The following SNED1 variants were observed in gnomAD, a reference collection of about 807,000 sequenced individuals.
SNED1 encodes the protein sushi, nidogen and EGF-like domain-containing protein 1.
Under a neutral mutation model 166.7 loss-of-function variants are expected in SNED1, and 81 were observed. The ratio of observed to expected loss-of-function variants is 0.49; its 90% CI spans 0.41 to 0.58. The LOEUF (loss-of-function observed/expected upper bound fraction) is 0.58, where lower values mean the gene tolerates loss of function less well. Ranked by LOEUF, SNED1 falls within the 20% of genes least tolerant of loss-of-function variation. The probability of loss-of-function intolerance (pLI) is 0.00; values close to 1 mark genes in which losing one functional copy is unlikely to be tolerated. For synonymous variants in SNED1, 762 were observed against 822.0 expected (o/e 0.93, Z 1.25); for missense variants, 1,604 against 2,000.2 (o/e 0.80, Z 3.78).
chr2:241,017,738 C>T (rs1026992670), intron 1 of SNED1, among the ~76,000 whole-genome samples: 4 of 152,226 alleles, frequency 2.6e-5, no homozygotes, highest in African/African-American at 7.2e-5. Context: ...ACAGGAATCC[C>T]ACAGCGGGAC....
At position 241,094,443 on chromosome 2, in the gene SNED1, CA is replaced by C; in HGVS notation, c.*2811del. The C allele has an allele frequency of 2.1e-6, 1 of 470,474 alleles. No homozygotes were observed. Among genetic ancestry groups the C allele is most frequent in the Non-Finnish European group, 4.4e-6 (1 of 226,716 alleles). The allele number at this position is 470,474 out of a possible 1,614,324, so 29.1% of individuals were successfully genotyped here. A position where few individuals can be genotyped will look rare whatever the true frequency, so the allele number is the denominator to read the frequency against. ...TGTAAGACGAGGCTGCTGGAGAAAACAAAAGCACCTAGATTTCAGTGCTGAA... is the reference window on the plus strand; with the variant it reads ...TGTAAGACGAGGCTGCTGGAGAAAACAAAGCACCTAGATTTCAGTGCTGAA... On this transcript the variant is annotated 3_prime_UTR_variant, in exon 32 of 32. Coordinates refer to ENST00000310397, the MANE Select transcript of SNED1 (RefSeq NM_001080437.3). This position sits in a 1 kb window ranked among gnomAD's most constrained non-coding sequence, Gnocchi z 4.3.
At chr2:241,026,619 C>G (rs1454468023) in intron 1 of SNED1, among the ~76,000 whole-genome samples, 3 of 152,118 alleles carry the variant, frequency 2.0e-5, no homozygotes, top group Non-Finnish European at 4.4e-5. Flanking sequence ...TTCTTAATTT[C>G]TGTTATTTAG....
At chr2:241,039,782 G>A (rs1255361053) in intron 6 of SNED1, among the ~76,000 whole-genome samples, 10 of 152,180 alleles carry the variant, frequency 6.6e-5, no homozygotes, top group Non-Finnish European at 1.5e-4. Flanking sequence ...CATCCCCCAA[G>A]AGTGGGAGTG....
At chr2:241,065,205 A>G (rs1303386494) in intron 20 of SNED1, 94 bp from the exon 21 acceptor site, 24 of 1,330,348 alleles carry the variant, frequency 1.8e-5, no homozygotes, top group Non-Finnish European at 2.2e-5. Context: ...GTCAGGCCCA[A>G]GAGCCAGACC....
At chr2:241,038,615 C>T (rs2061439436) in intron 6 of SNED1, among the ~76,000 whole-genome samples, 1 of 152,274 alleles carries the variant, frequency 6.6e-6, no homozygotes, top group Non-Finnish European at 1.5e-5. Flanking sequence ...GAGCAAGCTC[C>T]ATTCATAGGA....
chr2:241,009,199 A>G (rs1393852578), intron 1 of SNED1, among the ~76,000 whole-genome samples: 1 of 152,134 alleles, frequency 6.6e-6, no homozygotes, highest in Non-Finnish European at 1.5e-5. Flanking sequence ...CACTGCAGAG[A>G]TGCAGGGTGA....
chr2:241,034,095 C>T (rs1406401617), intron 3 of SNED1, among the ~76,000 whole-genome samples: 2 of 152,234 alleles, frequency 1.3e-5, no homozygotes, highest in Admixed American at 6.5e-5. Context: ...TGACCTGCCC[C>T]GCCCTGCCCC....
At chr2:241,002,647 C>T (rs1189200111) in intron 1 of SNED1, among the ~76,000 whole-genome samples, 2 of 152,142 alleles carry the variant, frequency 1.3e-5, no homozygotes, top group African/African-American at 4.8e-5. Flanking sequence ...TGTGATCTGC[C>T]TGGACCTCAC....
intron 27 of SNED1, among the ~76,000 whole-genome samples, chr2:241,079,763 A>G (rs1283341609): frequency 6.6e-6 from 1 of 152,190 alleles, no homozygotes; most frequent in East Asian, 1.9e-4. Context: ...ATTGCAAGCG[A>G]TTTTAATAAG....
At chr2:241,050,027 C>G (rs1449350701) in intron 12 of SNED1, 94 bp downstream of exon 12, 1 of 934,234 alleles carries the variant, frequency 1.1e-6, no homozygotes. Context: ...CTCCTTGTTT[C>G]GCGAATTGCT....
chr2:241,071,712 GCCCCCCAGGTACATGCCCCACCCA>G lies in SNED1; in HGVS notation c.3727_3734+16del. 1.1e-6 allele frequency: 1 copy of G among 903,634 alleles called. No individual in the cohort carries two copies. The highest frequency in any genetic ancestry group is 1.6e-6 in the Non-Finnish European group (1 of 637,062). 56.0% of individuals were successfully genotyped at this position (903,634 alleles called of 1,614,324 possible). On this transcript the variant is annotated splice_donor_variant and splice_donor_5th_base_variant and coding_sequence_variant and intron_variant, in exon 25 of 32. Transcript: ENST00000310397. LOFTEE classifies it high-confidence loss of function. ...ACAGCGCCCCCGAGACCCCCACCCA[GCCCCCCAGGTACATGCCCCACCCA>G]TCGGCCCCATCGCCCGAGGCGGCGC...
intron 2 of SNED1, 138 bp from the exon 3 acceptor site, chr2:241,033,597 C>T (rs933950828): frequency 2.7e-5 from 27 of 1,003,240 alleles, no homozygotes; most frequent in African/African-American, 2.2e-4. Context: ...CTCGGCTGCC[C>T]GTCCAGCTGG....
At chr2:241,036,965 G>A (rs2061391561) in intron 5 of SNED1, 50 bp downstream of exon 5, 1 of 1,568,048 alleles carries the variant, frequency 6.4e-7, no homozygotes, top group African/African-American at 1.4e-5. Flanking sequence ...GCTGGGCTCA[G>A]GAGGAGCACT....
chr2:240,998,779 A>G lies in SNED1; in HGVS notation c.-59A>G. The G allele has an allele frequency of 1.1e-6, 1 of 874,386 alleles. No individual in the cohort carries two copies. The highest frequency in any genetic ancestry group is 1.4e-6 in the Non-Finnish European group (1 of 710,810). The allele number at this position is 874,386 out of a possible 1,614,324, so 54.2% of individuals were successfully genotyped here. ...GGCCCTGCCGGCCACCCCCGCGCGC[A>G]GCCTAGTCCCCCAGCGCCCTGCTCC... is the stretch of plus-strand genomic sequence containing the variant. On this transcript the variant is annotated 5_prime_UTR_variant, in exon 1 of 32. Transcript: ENST00000310397.
chr2:241,054,683 T>C (rs1035523156), intron 16 of SNED1, among the ~76,000 whole-genome samples: 2 of 152,254 alleles, frequency 1.3e-5, no homozygotes, highest in Non-Finnish European at 1.5e-5. Flanking sequence ...ACAGTGGGAA[T>C]AAGCAGATTA....
At chr2:241,001,839 C>T (rs192860774) in intron 1 of SNED1, among the ~76,000 whole-genome samples, 192 of 152,220 alleles carry the variant, frequency 1.3e-3, no homozygotes, top group Non-Finnish European at 2.5e-3. Flanking sequence ...GAGCCCTGAG[C>T]AGAGGCAGGG....
intron 1 of SNED1, among the ~76,000 whole-genome samples, chr2:241,000,719 G>A (rs1355159888): frequency 6.6e-6 from 1 of 152,232 alleles, no homozygotes; most frequent in African/African-American, 2.4e-5. Context: ...GAGAACTAGG[G>A]TTTCGTCAGA....
At chr2:241,078,167 C>CTG (rs1553591214) in intron 27 of SNED1, among the ~76,000 whole-genome samples, 4 of 150,698 alleles carry the variant, frequency 2.7e-5, no homozygotes, top group Non-Finnish European at 4.4e-5. Flanking sequence ...GGCAGATCAC[C>CTG]AGGTCAGGCG....
At chr2:241,080,690 G>A (rs572949329) in intron 27 of SNED1, among the ~76,000 whole-genome samples, 4 of 152,360 alleles carry the variant, frequency 2.6e-5, no homozygotes, top group South Asian at 2.1e-4. Context: ...AGCAATGGAC[G>A]GAAGCCCATG....
Sources: gnomAD v4.1 joint callset for allele counts (sites outside exome capture counted in the v4.1 genomes callset) on GRCh38, gnomAD v4.1.1 for gene constraint, Gnocchi (gnomAD v3.1) non-coding constraint, MANE v1.5 for transcripts, NCBI Gene and HGNC (gene_info 2026-07-23, HGNC 2026-07-21) for gene names.